LIPJ: variants seen among roughly 807,000 people sequenced by gnomAD.
LIPJ encodes lipase member J.
A neutral mutation model predicts 39.8 loss-of-function variants in LIPJ; 33 were observed. That is an observed-to-expected ratio of 0.83 (90% confidence interval 0.63 to 1.11). The LOEUF (loss-of-function observed/expected upper bound fraction) is 1.11, where lower values mean the gene tolerates loss of function less well. Among genes scored for constraint, LIPJ ranks in the 50% least tolerant of loss-of-function variants. The probability of loss-of-function intolerance (pLI) is 0.00; values close to 1 mark genes in which losing one functional copy is unlikely to be tolerated. For missense variants in LIPJ, 422 were observed against 427.9 expected (o/e 0.99, Z 0.12); for synonymous variants, 128 against 139.2 (o/e 0.92, Z 0.57).
chr10:88,611,188 A>G (rs1263515606), downstream of LIPJ, among the ~76,000 whole-genome samples: 1 of 152,244 alleles, frequency 6.6e-6, no homozygotes, highest in Non-Finnish European at 1.5e-5. Context: ...TTTGGCTCTC[A>G]GGAAGCCCCA....
chr10:88,613,605 T>C, the LIPJ span, among the ~76,000 whole-genome samples: 1 of 151,492 alleles, frequency 6.6e-6, no homozygotes, highest in Non-Finnish European at 1.5e-5. Context: ...TCTCTAAGAT[T>C]CCATTTATAT....
intron 8 of LIPJ, among the ~76,000 whole-genome samples, chr10:88,600,726 A>G (rs1373943850): frequency 6.6e-6 from 1 of 152,120 alleles, no homozygotes; most frequent in Non-Finnish European, 1.5e-5. Context: ...TTACTGTCTT[A>G]GTGCATTTTG....
intron 4 of LIPJ, 148 bp downstream of exon 4, chr10:88,591,646 G>T: frequency 1.7e-6 from 1 of 587,030 alleles, no homozygotes. Context: ...GCTACAAGAA[G>T]AGTCACACAA....
Position 88,605,649 on chromosome 10 carries a change from A to T in LIPJ, c.812A>T (p.His271Leu). Reference sequence around the variant, plus strand: ...CTCTTTCAGCTTTTAAATTCTACTCATTTGAAAGCTTATGACTGGGGCAGT... The same window carrying T: ...CTCTTTCAGCTTTTAAATTCTACTCTTTTGAAAGCTTATGACTGGGGCAGT... Residue 271 changes from histidine (H) to leucine (L), a missense_variant, in exon 10 of 11, where the codon CAT becomes CTT. Transcript: ENST00000371939. 6.2e-7 allele frequency: 1 copy of T among 1,610,964 alleles called. No individual in the cohort carries two copies. Among genetic ancestry groups the T allele is most frequent in the South Asian group, 1.1e-5 (1 of 90,952 alleles).
intron 10 of LIPJ, 80 bp from the exon 11 acceptor site, chr10:88,606,591 CTCA>C (rs1851670015): frequency 1.3e-6 from 1 of 765,206 alleles, no homozygotes; most frequent in Non-Finnish European, 2.1e-6. Flanking sequence ...AGTATTTAAA[CTCA>C]TCATTTTAAC....
At chr10:88,618,316 A>C in the LIPJ span, 1 of 152,252 alleles carries the variant, frequency 6.6e-6, no homozygotes, top group African/African-American at 2.4e-5. Context: ...TCTGTGGAGA[A>C]GATAACTTGA....
At chr10:88,588,609 T>C (rs1850986640) in intron 2 of LIPJ, among the ~76,000 whole-genome samples, 1 of 151,936 alleles carries the variant, frequency 6.6e-6, no homozygotes, top group Non-Finnish European at 1.5e-5. Flanking sequence ...TTTCTTGTTT[T>C]CAGTTATGGG....
At chr10:88,587,473 T>A (rs959305446) in intron 2 of LIPJ, 81 bp downstream of exon 2, 1 of 152,118 alleles carries the variant, frequency 6.6e-6, no homozygotes, top group Non-Finnish European at 1.5e-5. Context: ...TAAAGAAACA[T>A]AATTCTCAAG....
chr10:88,582,961 A>C, upstream of LIPJ: 1 of 1,241,294 alleles, frequency 8.1e-7, no homozygotes, highest in Non-Finnish European at 1.1e-6. Flanking sequence ...CCGCTCAGGG[A>C]GCTGAGGGTA....
At chr10:88,601,167 C>T (rs1851462327) in intron 8 of LIPJ, among the ~76,000 whole-genome samples, 1 of 151,952 alleles carries the variant, frequency 6.6e-6, no homozygotes, top group Non-Finnish European at 1.5e-5. Flanking sequence ...AGGCTGGTCT[C>T]GAACTCCTGA....
At position 88,590,570 on chromosome 10, in the gene LIPJ, C is replaced by T. The variant is rs1043239438; in HGVS notation, c.-103-15C>T. On this transcript the variant is annotated splice_polypyrimidine_tract_variant and intron_variant, in intron 2 of 10. Coordinates refer to ENST00000371939, the Ensembl canonical transcript of LIPJ. ...TGCAATTTTAACTGTATAAACATCT[C>T]CCTTTTATATATAGGTCCCAAACGT... 34 of 768,212 alleles carry T rather than the reference C, an allele frequency of 4.4e-5. No individual in the cohort carries two copies. The highest frequency in any genetic ancestry group is 1.2e-4 in the Admixed American group (6 of 50,766). The allele number at this position is 768,212 out of a possible 1,614,324, so 47.6% of individuals were successfully genotyped here. A position where few individuals can be genotyped will look rare whatever the true frequency, so the allele number is the denominator to read the frequency against.
At chr10:88,591,345 T>G in intron 3 of LIPJ, 33 bp from the exon 4 acceptor site, 1 of 1,552,062 alleles carries the variant, frequency 6.4e-7, no homozygotes, top group Non-Finnish European at 8.7e-7. Context: ...GATAACAATT[T>G]TATGCTAAAA....
chr10:88,599,655 A>C (rs1445621917), intron 8 of LIPJ, among the ~76,000 whole-genome samples: 1 of 151,324 alleles, frequency 6.6e-6, no homozygotes, highest in Non-Finnish European at 1.5e-5. Context: ...GTATGTATAT[A>C]TATACACATA....
Position 88,602,550 on chromosome 10 carries a change from CTT to C in LIPJ, c.724-11_724-10del, listed in dbSNP as rs11343654. On this transcript the variant is annotated intron_variant, in intron 8 of 10. Coordinates refer to ENST00000371939, the Ensembl canonical transcript of LIPJ. The stretch of plus-strand genomic sequence containing the variant: ...CTATGATTCAACTTATATAAAAATG[CTT>C]TTTTTTTTTTTTTTACCCCTCAGAG... 120,931 of 986,890 alleles carry C rather than the reference CTT, an allele frequency of 0.12. 2 individuals carry two copies. Among genetic ancestry groups the C allele is most frequent in the East Asian group, 0.17 (5,373 of 30,836 alleles). The allele number at this position is 986,890 out of a possible 1,614,324, so 61.1% of individuals were successfully genotyped here. A position where few individuals can be genotyped will look rare whatever the true frequency, so the allele number is the denominator to read the frequency against.
At chr10:88,595,261 C>T (rs1022914226) in intron 6 of LIPJ, among the ~76,000 whole-genome samples, 3 of 151,654 alleles carry the variant, frequency 2.0e-5, no homozygotes, top group Middle Eastern at 3.2e-3. Flanking sequence ...TTAATCAGAA[C>T]TCTAATGCCT....
the LIPJ span, among the ~76,000 whole-genome samples, chr10:88,622,538 C>G: frequency 6.6e-6 from 1 of 152,184 alleles, no homozygotes; most frequent in East Asian, 1.9e-4. Flanking sequence ...CAGGTGGGCT[C>G]GAGAATTTGC....
chr10:88,583,292 C>G (rs936412280), upstream of LIPJ: 56 of 1,536,638 alleles, frequency 3.6e-5, no homozygotes, highest in African/African-American at 6.3e-4. Context: ...TCTTTGGTTC[C>G]GTGCTCCCTG....
intron 8 of LIPJ, among the ~76,000 whole-genome samples, chr10:88,599,640 T>G (rs1303005888): frequency 6.6e-6 from 1 of 151,624 alleles, no homozygotes; most frequent in Admixed American, 6.6e-5. Flanking sequence ...TTCCACAGTG[T>G]GTATGTATGT....
At chr10:88,593,300 T>G (rs1299400799) in intron 4 of LIPJ, 1 of 151,820 alleles carries the variant, frequency 6.6e-6, no homozygotes, top group South Asian at 2.1e-4. Context: ...GCTAAAATTG[T>G]GAGAACAGAT....
Sources: gnomAD v4.1 joint callset for allele counts (sites outside exome capture counted in the v4.1 genomes callset) on GRCh38, gnomAD v4.1.1 for gene constraint, MANE v1.5 for transcripts, NCBI Gene and HGNC (gene_info 2026-07-23, HGNC 2026-07-21) for gene names.